Variants in GLB1L observed in about 807,000 individuals in gnomAD.
GLB1L encodes the protein galactosidase beta 1 like.
In GLB1L, 58 loss-of-function variants were observed where a neutral mutation model predicts 75.7. The observed-to-expected ratio is 0.77, with a 90% CI of 0.62 to 0.95. The LOEUF (loss-of-function observed/expected upper bound fraction) is 0.95, where lower values mean the gene tolerates loss of function less well. Among genes scored for constraint, GLB1L ranks in the 40% least tolerant of loss-of-function variants. The pLI is 0.00. For synonymous variants in GLB1L, 296 were observed against 303.0 expected (o/e 0.98, Z 0.24); for missense variants, 797 against 805.5 (o/e 0.99, Z 0.13).
In GLB1L at chr2:219,243,658, G is replaced by A; in HGVS notation, c.-70-15C>T. 2 of 1,407,918 alleles carry A rather than the reference G, an allele frequency of 1.4e-6. No homozygotes were observed. Among genetic ancestry groups the A allele is most frequent in the Admixed American group, 1.7e-5 (1 of 57,842 alleles). 87.2% of individuals were successfully genotyped at this position (1,407,918 alleles called of 1,614,324 possible). ...TGGGAGGGAACCTCAGCGAGCAAGG[G>A]GGCGGAAACCACCTCAAGTTGCCAG... On this transcript the variant is annotated splice_polypyrimidine_tract_variant and intron_variant, in intron 1 of 16. Coordinates refer to ENST00000295759, the MANE Select transcript of GLB1L (RefSeq NM_001286423.2).
chr2:219,238,466 T>C lies in GLB1L; in HGVS notation c.1227+29A>G, dbSNP rs767551004. 21 of 1,595,752 alleles carry C rather than the reference T, an allele frequency of 1.3e-5. No individual in the cohort carries two copies. The South Asian group carries it at 2.2e-4, about 17-fold the overall frequency. The stretch of plus-strand genomic sequence containing the variant: ...GTATAGCTGTTAAGGGAGGTTGTCA[T>C]CTCCACCAGATGTGGGTTTATGCCT... On this transcript the variant is annotated intron_variant, in intron 13 of 16. Transcript: ENST00000295759.
chr2:219,239,885 T>C, intron 7 of GLB1L, 35 bp downstream of exon 7: 1 of 1,614,138 alleles, frequency 6.2e-7, no homozygotes, highest in South Asian at 1.1e-5. Context: ...GAGGTGTCCT[T>C]TCCCCAGACT....
rs144302357 is a variant in GLB1L, at chr2:219,238,346, C to T, written c.1245G>A (p.Leu415=). ...TGGTATGGGTCATATAGGTTCGGTA[C>T]AACATGAAGCCATGGTCCTGGGTAT... The part of the protein sequence containing the change: ...EAVKQDHGFM[L]YRTYMTHTIF... Residue 415 remains leucine, a synonymous_variant, in exon 14 of 17, where the codon TTG becomes TTA. Coordinates refer to ENST00000295759, the MANE Select transcript of GLB1L (RefSeq NM_001286423.2). 5.2e-5 allele frequency: 84 copies of T among 1,607,484 alleles called. No homozygotes were observed. The highest frequency in any genetic ancestry group is 1.7e-4 in the Admixed American group (10 of 58,662).
At chr2:219,240,397 A>T in intron 5 of GLB1L, 112 bp from the exon 6 acceptor site, 1 of 848,274 alleles carries the variant, frequency 1.2e-6, no homozygotes, top group South Asian at 1.4e-5. Flanking sequence ...AGCACCTTGT[A>T]TATTTGCACG....
In GLB1L at chr2:219,236,921, A is replaced by G; in HGVS notation, c.*151T>C. 1 of 585,494 alleles carries G rather than the reference A, an allele frequency of 1.7e-6. No individual in the cohort carries two copies. The highest frequency in any genetic ancestry group is 3.0e-6 in the Non-Finnish European group (1 of 333,202). The allele number at this position is 585,494 out of a possible 1,614,324, so 36.3% of individuals were successfully genotyped here. A position where few individuals can be genotyped will look rare whatever the true frequency, so the allele number is the denominator to read the frequency against. Reference sequence around the variant, plus strand: ...GCTGGGATTAGAGGTGCCCACCATCACGCCCGGCTAATTTTTGTATTTTTA... The same window carrying G: ...GCTGGGATTAGAGGTGCCCACCATCGCGCCCGGCTAATTTTTGTATTTTTA... On this transcript the variant is annotated 3_prime_UTR_variant, in exon 17 of 17. Coordinates refer to ENST00000295759, the MANE Select transcript of GLB1L (RefSeq NM_001286423.2).
chr2:219,243,446 G>T (rs1574871954), intron 2 of GLB1L, 56 bp downstream of exon 2: 2 of 1,602,024 alleles, frequency 1.2e-6, no homozygotes, highest in East Asian at 4.5e-5. Flanking sequence ...TCTCTCATCC[G>T]CTGGATCTGA....
Position 219,237,001 on chromosome 2 carries a change from G to A in GLB1L, c.*71C>T, listed in dbSNP as rs1203184106. The stretch of plus-strand genomic sequence containing the variant: ...GGCTGGTCTTGAAGTCCTGACCTCA[G>A]GTAATCCACCCGTCTCAGCCTCCCA... On this transcript the variant is annotated 3_prime_UTR_variant, in exon 17 of 17. Coordinates refer to ENST00000295759, the MANE Select transcript of GLB1L (RefSeq NM_001286423.2). 8.7e-7 allele frequency: 1 copy of A among 1,150,676 alleles called. No homozygotes were observed. The highest frequency in any genetic ancestry group is 1.5e-5 in the African/African-American group (1 of 65,104). The allele number at this position is 1,150,676 out of a possible 1,614,324, so 71.3% of individuals were successfully genotyped here.
rs2125060926 is a variant in GLB1L, at chr2:219,243,631, C to T, written c.-58G>A. The T allele has an allele frequency of 6.4e-7, 1 of 1,571,726 alleles. No individual in the cohort carries two copies. The highest frequency in any genetic ancestry group is 8.8e-7 in the Non-Finnish European group (1 of 1,142,448). ...CGGACAGACCGTCACGTGTCGGATT[C>T]CTGGGAGGGAACCTCAGCGAGCAAG... On this transcript the variant is annotated 5_prime_UTR_variant, in exon 2 of 17. Transcript: ENST00000295759.
In GLB1L at chr2:219,239,457, G is replaced by A; in HGVS notation, c.903-6C>T. ...TACCTCCATGGAACATGTACCTGAA[G>A]TGAGAGAGGGTGGGGGAACAGGTAA... On this transcript the variant is annotated splice_polypyrimidine_tract_variant and splice_region_variant and intron_variant, in intron 9 of 16. Coordinates refer to ENST00000295759, the MANE Select transcript of GLB1L (RefSeq NM_001286423.2). 6.2e-7 allele frequency: 1 copy of A among 1,609,232 alleles called. No homozygotes were observed. Among genetic ancestry groups the A allele is most frequent in the East Asian group, 2.2e-5 (1 of 44,854 alleles).
Position 219,237,002 on chromosome 2 carries a change from G to A in GLB1L, c.*70C>T, listed in dbSNP as rs569764323. 4.3e-6 allele frequency: 5 copies of A among 1,160,350 alleles called. No individual in the cohort carries two copies. Among genetic ancestry groups the A allele is most frequent in the Non-Finnish European group, 6.3e-6 (5 of 794,018 alleles). 71.9% of individuals were successfully genotyped at this position (1,160,350 alleles called of 1,614,324 possible). Reference sequence around the variant, plus strand: ...GCTGGTCTTGAAGTCCTGACCTCAGGTAATCCACCCGTCTCAGCCTCCCAA... The same window carrying A: ...GCTGGTCTTGAAGTCCTGACCTCAGATAATCCACCCGTCTCAGCCTCCCAA... On this transcript the variant is annotated 3_prime_UTR_variant, in exon 17 of 17. Transcript: ENST00000295759.
rs773799647 is a variant in GLB1L at position 219,243,199 on chromosome 2, C to T, written c.188G>A (p.Trp63Ter). Residue 63 changes from tryptophan to a stop codon, truncating the protein, a stop_gained, in exon 3 of 17, where the codon TGG (tryptophan) becomes TAG (stop). Transcript: ENST00000295759. LOFTEE classifies it high-confidence loss of function. ...LHYFRVPRVL[W>*]ADRLLKMRWS... ...TCGCATCTTCAAAAGCCGGTCGGCC[C>T]AAAGCACCCGCGGTACCCGAAAGTA... 8 of 1,613,894 alleles carry T rather than the reference C, an allele frequency of 5.0e-6. No individual in the cohort carries two copies. Among genetic ancestry groups the T allele is most frequent in the Non-Finnish European group, 6.8e-6 (8 of 1,179,936 alleles).
At chr2:219,238,467 C>T (rs1403315168) in intron 13 of GLB1L, 28 bp downstream of exon 13, 2 of 1,600,032 alleles carry the variant, frequency 1.2e-6, no homozygotes, top group African/African-American at 2.7e-5. Flanking sequence ...AGGTTGTCAT[C>T]TCCACCAGAT....
chr2:219,237,075 G>A lies in GLB1L; in HGVS notation c.1962C>T (p.His654=). ...GCCACCATGCCCGGCCTACCTTTCAGTGCCCACTTAACTCCATTGGTTCAG... is the reference window on the plus strand; with the variant it reads ...GCCACCATGCCCGGCCTACCTTTCAATGCCCACTTAACTCCATTGGTTCAG... ...SASEPMELSG[H] is the part of the protein sequence containing the mutation. The change falls in exon 17 of 17, where the codon CAC becomes CAT. Residue 654 remains histidine (H), a synonymous_variant. Transcript: ENST00000295759. The A allele has an allele frequency of 6.2e-7, 1 of 1,600,950 alleles. No individual in the cohort carries two copies. Among genetic ancestry groups the A allele is most frequent in the East Asian group, 2.2e-5 (1 of 44,560 alleles).
At position 219,237,743 on chromosome 2, in the gene GLB1L, A is replaced by G. The variant is rs756499179; in HGVS notation, c.1474-16T>C. On this transcript the variant is annotated splice_polypyrimidine_tract_variant and intron_variant, in intron 15 of 16. Coordinates refer to ENST00000295759, the MANE Select transcript of GLB1L (RefSeq NM_001286423.2). ...TCAACAGGCCCTATAGGGAAGGAAA[A>G]TGAAAAGTCATCATTCACTAAGCTT... The G allele has an allele frequency of 2.2e-5, 36 of 1,613,098 alleles. No individual in the cohort carries two copies. The highest frequency in any genetic ancestry group is 3.0e-5 in the Non-Finnish European group (35 of 1,179,356).
intron 5 of GLB1L, among the ~76,000 whole-genome samples, chr2:219,241,436 G>GTA (rs1382396720): frequency 5.8e-4 from 49 of 84,314 alleles, no homozygotes; most frequent in African/African-American, 1.8e-3. Context: ...GTGTGTGTGT[G>GTA]TGTGTGTATA....
At chr2:219,240,981 G>C (rs530571829) in intron 5 of GLB1L, among the ~76,000 whole-genome samples, 1 of 152,112 alleles carries the variant, frequency 6.6e-6, no homozygotes, top group Non-Finnish European at 1.5e-5. Context: ...TTACTCGGGA[G>C]GCTGAGGCAG....
chr2:219,236,781 T>TTTGAGATG lies in GLB1L; in HGVS notation c.*290_*291insCATCTCAA, dbSNP rs1951252939. ...GTTACTTTTTTTTTTTTTTTTTTTT[T>TTTGAGATG]TGAGATGGAGTGTCTCACTGTCAGC... On this transcript the variant is annotated 3_prime_UTR_variant, in exon 17 of 17. Transcript: ENST00000295759. 3.2e-6 allele frequency: 1 copy of TTTGAGATG among 314,264 alleles called. No individual in the cohort carries two copies. 19.5% of individuals were successfully genotyped at this position (314,264 alleles called of 1,614,324 possible). A position where few individuals can be genotyped will look rare whatever the true frequency, so the allele number is the denominator to read the frequency against.
Position 219,239,083 on chromosome 2 carries a change from G to A in GLB1L, c.1062+9C>T, listed in dbSNP as rs767403391. On this transcript the variant is annotated intron_variant, in intron 11 of 16. Transcript: ENST00000295759. ...AAAGCCTTTGGAGCTTAATGAAATG[G>A]TAGGGTACCTTGCTGATGACATCTC... The A allele has an allele frequency of 3.9e-6, 6 of 1,557,974 alleles. No homozygotes were observed. In the South Asian group the frequency reaches 4.5e-5, roughly 12 times the overall value.
chr2:219,239,259 G>T, intron 10 of GLB1L, 49 bp from the exon 11 acceptor site: 1 of 1,516,954 alleles, frequency 6.6e-7, no homozygotes, highest in Non-Finnish European at 9.1e-7. Context: ...CAGATGACAG[G>T]CACTACTAAG....
Sources: gnomAD v4.1 joint callset for allele counts (sites outside exome capture counted in the v4.1 genomes callset) on GRCh38, gnomAD v4.1.1 for gene constraint, MANE v1.5 for transcripts, NCBI Gene and HGNC (gene_info 2026-07-23, HGNC 2026-07-21) for gene names.